Variants in CNTNAP2 observed in about 807,000 individuals in gnomAD.
The protein encoded by CNTNAP2 is contactin associated protein 2.
CNTNAP2 carries 98 observed loss-of-function variants against 155.2 expected under a neutral mutation model. That is an observed-to-expected ratio of 0.63 (90% confidence interval 0.54 to 0.75). The LOEUF (loss-of-function observed/expected upper bound fraction) is 0.75, where lower values mean the gene tolerates loss of function less well. CNTNAP2 is among the 30% of genes least tolerant of loss of function. The probability of loss-of-function intolerance (pLI) is 0.00; values close to 1 mark genes in which losing one functional copy is unlikely to be tolerated. For missense variants in CNTNAP2, 1,727 were observed against 1,688.1 expected (o/e 1.02, Z -0.40); for synonymous variants, 651 against 631.2 (o/e 1.03, Z -0.47).
intron 3 of CNTNAP2, among the ~76,000 whole-genome samples, chr7:147,011,206 C>T (rs1274659541): frequency 1.3e-5 from 2 of 151,806 alleles, no homozygotes; most frequent in African/African-American, 4.8e-5. Context: ...CTGAGGTCAT[C>T]AGTTCAGGAC....
intron 15 of CNTNAP2, among the ~76,000 whole-genome samples, chr7:148,085,005 G>A (rs887668030): frequency 2.0e-5 from 3 of 152,186 alleles, no homozygotes; most frequent in Admixed American, 2.0e-4. Flanking sequence ...TTTCAGGCTA[G>A]TGATAAAAGT....
intron 15 of CNTNAP2, among the ~76,000 whole-genome samples, chr7:147,986,151 T>C (rs1350455676): frequency 6.6e-6 from 1 of 152,092 alleles, no homozygotes; most frequent in Non-Finnish European, 1.5e-5. Context: ...TCAGGCAATC[T>C]ATGTAGGATG....
At chr7:148,321,116 AG>A (rs1797783944) in intron 21 of CNTNAP2, among the ~76,000 whole-genome samples, 1 of 152,216 alleles carries the variant, frequency 6.6e-6, no homozygotes, top group Non-Finnish European at 1.5e-5. Flanking sequence ...GTACACGTGA[AG>A]GAGAGTAGTG....
intron 21 of CNTNAP2, among the ~76,000 whole-genome samples, chr7:148,336,598 C>T (rs970188131): frequency 4.7e-5 from 7 of 150,300 alleles, no homozygotes; most frequent in African/African-American, 1.2e-4. Context: ...AACAAGTAGT[C>T]ATTTTAACAA....
intron 1 of CNTNAP2, among the ~76,000 whole-genome samples, chr7:146,185,855 G>A (rs1464958): frequency 6.7e-6 from 1 of 150,128 alleles, no homozygotes; most frequent in East Asian, 1.9e-4. Flanking sequence ...ATTTGGTGTA[G>A]GTACTTGGAA....
At chr7:147,807,075 G>A (rs1395116406) in intron 13 of CNTNAP2, among the ~76,000 whole-genome samples, 1 of 152,074 alleles carries the variant, frequency 6.6e-6, no homozygotes, top group African/African-American at 2.4e-5. Flanking sequence ...ACTTTGGGAG[G>A]CTCAGGTGGG....
intron 21 of CNTNAP2, among the ~76,000 whole-genome samples, chr7:148,318,659 A>G (rs1797733577): frequency 6.6e-6 from 1 of 152,170 alleles, no homozygotes; most frequent in Non-Finnish European, 1.5e-5. Flanking sequence ...ATGGCATGTA[A>G]ATTGTAGGAA....
At chr7:148,131,741 C>T (rs1288206416) in intron 16 of CNTNAP2, among the ~76,000 whole-genome samples, 2 of 151,924 alleles carry the variant, frequency 1.3e-5, no homozygotes, top group African/African-American at 4.8e-5. Flanking sequence ...TTTATAAAAA[C>T]AAGTGCTTCA....
intron 15 of CNTNAP2, among the ~76,000 whole-genome samples, chr7:147,988,820 G>A (rs994123192): frequency 2.0e-4 from 30 of 152,200 alleles, no homozygotes; most frequent in South Asian, 2.1e-4. Flanking sequence ...ATTAGTCTTG[G>A]CCTATTGGAT....
intron 1 of CNTNAP2, among the ~76,000 whole-genome samples, chr7:146,598,088 T>C (rs1458807323): frequency 5.9e-5 from 9 of 152,082 alleles, no homozygotes; most frequent in Admixed American, 5.9e-4. Flanking sequence ...TGTTTAATCA[T>C]GGAGGCAACT....
chr7:147,859,893 T>A (rs565073561), intron 13 of CNTNAP2, among the ~76,000 whole-genome samples: 2 of 152,352 alleles, frequency 1.3e-5, no homozygotes, highest in African/African-American at 4.8e-5. Flanking sequence ...CTGTCTCTCA[T>A]AAATATGTAT....
chr7:146,163,278 A>G (rs944172658), intron 1 of CNTNAP2, among the ~76,000 whole-genome samples: 1 of 151,714 alleles, frequency 6.6e-6, no homozygotes, highest in Non-Finnish European at 1.5e-5. Flanking sequence ...AATATCATCT[A>G]AAAGGAAAGG....
chr7:146,737,956 T>C (rs565286340), intron 1 of CNTNAP2, among the ~76,000 whole-genome samples: 16 of 152,258 alleles, frequency 1.1e-4, no homozygotes, highest in African/African-American at 3.8e-4. Context: ...ATCTTAGCTA[T>C]TGTGAATAAT....
At chr7:147,645,012 T>C (rs1319711282) in intron 13 of CNTNAP2, among the ~76,000 whole-genome samples, 1 of 152,112 alleles carries the variant, frequency 6.6e-6, no homozygotes, top group Non-Finnish European at 1.5e-5. Context: ...TGGCTAGTTT[T>C]CATGAATGAT....
At chr7:147,259,891 A>C (rs908626823) in intron 8 of CNTNAP2, among the ~76,000 whole-genome samples, 2 of 152,182 alleles carry the variant, frequency 1.3e-5, no homozygotes, top group Non-Finnish European at 2.9e-5. Flanking sequence ...TAGGTTATAT[A>C]GGTTATCTCC....
chr7:148,340,751 G>C (rs1165052822), intron 21 of CNTNAP2, among the ~76,000 whole-genome samples: 2 of 152,208 alleles, frequency 1.3e-5, no homozygotes, highest in Admixed American at 1.3e-4. Context: ...AATTAGGAAA[G>C]CGTGGATTCT....
At chr7:147,545,072 CAG>C (rs1799707050) in intron 11 of CNTNAP2, among the ~76,000 whole-genome samples, 1 of 152,016 alleles carries the variant, frequency 6.6e-6, no homozygotes, top group Admixed American at 6.6e-5. Flanking sequence ...CATATACAGA[CAG>C]AAAATATATT....
chr7:147,076,420 T>G (rs1395362002), intron 4 of CNTNAP2, among the ~76,000 whole-genome samples: 1 of 152,204 alleles, frequency 6.6e-6, no homozygotes, highest in East Asian at 1.9e-4. Context: ...GTTGGCTGCA[T>G]AAATGTCTTC....
chr7:147,485,125 C>T (rs1198241791), intron 10 of CNTNAP2, among the ~76,000 whole-genome samples: 1 of 152,074 alleles, frequency 6.6e-6, no homozygotes, highest in Non-Finnish European at 1.5e-5. Context: ...AAAGCTGTGC[C>T]CTGGAGGCTG....
Sources: allele counts gnomAD v4.1 joint callset (sites outside exome capture counted in the v4.1 genomes callset), GRCh38; gene constraint gnomAD v4.1.1; transcripts MANE v1.5; gene names NCBI Gene and HGNC (gene_info 2026-07-23, HGNC 2026-07-21).